Variants in GATB observed in about 807,000 individuals in gnomAD.
The protein encoded by GATB is glutamyl-tRNA(Gln) amidotransferase subunit B, mitochondrial.
A neutral mutation model predicts 62.3 loss-of-function variants in GATB; 39 were observed. That is an observed-to-expected ratio of 0.63 (90% CI 0.48 to 0.82). GATB has a LOEUF of 0.82. Among genes scored for constraint, GATB ranks in the 40% least tolerant of loss-of-function variants. The pLI is 0.00. For missense variants in GATB, 670 were observed against 684.0 expected (o/e 0.98, Z 0.23); for synonymous variants, 276 against 258.9 (o/e 1.07, Z -0.63).
intron 9 of GATB, among the ~76,000 whole-genome samples, chr4:151,690,045 C>G (rs1476272400): frequency 6.6e-6 from 1 of 152,174 alleles, no homozygotes; most frequent in African/African-American, 2.4e-5. Context: ...TTGAAATATT[C>G]CTTTTAAGTT....
At chr4:151,682,375 G>A (rs1007393201) in intron 10 of GATB, among the ~76,000 whole-genome samples, 2 of 152,106 alleles carry the variant, frequency 1.3e-5, no homozygotes, top group Non-Finnish European at 2.9e-5. Context: ...CCCACTCATC[G>A]CCTAAATAAA....
At chr4:151,725,410 C>T (rs995189042) in intron 2 of GATB, among the ~76,000 whole-genome samples, 2 of 152,226 alleles carry the variant, frequency 1.3e-5, no homozygotes, top group Non-Finnish European at 2.9e-5. Context: ...CAAATACATA[C>T]AGTTCTATGT....
At chr4:151,749,211 G>T (rs187050597) in intron 2 of GATB, among the ~76,000 whole-genome samples, 1 of 152,130 alleles carries the variant, frequency 6.6e-6, no homozygotes, top group African/African-American at 2.4e-5. Flanking sequence ...ACATGCACAC[G>T]TATGTTTATT....
intron 4 of GATB, 52 bp from the exon 5 acceptor site, chr4:151,716,183 C>T (rs1213525195): frequency 6.4e-7 from 1 of 1,569,920 alleles, no homozygotes; most frequent in South Asian, 1.2e-5. Context: ...ATTTCACCAA[C>T]AGAAAAATTA....
At chr4:151,686,652 G>GCCCCCCCCCCCC (rs374250502) in intron 10 of GATB, among the ~76,000 whole-genome samples, 5 of 70,920 alleles carry the variant, frequency 7.1e-5, no homozygotes, top group Admixed American at 1.4e-4. Flanking sequence ...TCCCCGCCCC[G>GCCCCCCCCCCCC]CCCCCCCCCC....
chr4:151,735,038 C>G (rs1739342047), intron 2 of GATB, among the ~76,000 whole-genome samples: 1 of 151,950 alleles, frequency 6.6e-6, no homozygotes, highest in African/African-American at 2.4e-5. Flanking sequence ...ATTTCATGAC[C>G]AAAAACCCAA....
At chr4:151,744,585 A>G (rs906502314) in intron 2 of GATB, among the ~76,000 whole-genome samples, 3 of 151,944 alleles carry the variant, frequency 2.0e-5, no homozygotes, top group Non-Finnish European at 4.4e-5. Flanking sequence ...CCCTGTCTCT[A>G]AAAAAAATAA....
chr4:151,713,337 C>T (rs1257601252), intron 5 of GATB, among the ~76,000 whole-genome samples: 2 of 152,198 alleles, frequency 1.3e-5, no homozygotes, highest in Non-Finnish European at 2.9e-5. Flanking sequence ...CCCCCAAGTC[C>T]ACAGAAAAAT....
chr4:151,741,106 G>T (rs1739476109), intron 2 of GATB, among the ~76,000 whole-genome samples: 3 of 152,042 alleles, frequency 2.0e-5, no homozygotes, highest in Admixed American at 2.0e-4. Flanking sequence ...ACCTCGGATG[G>T]TACCAAGTCC....
At chr4:151,737,440 C>T (rs578133228) in intron 2 of GATB, among the ~76,000 whole-genome samples, 1 of 152,286 alleles carries the variant, frequency 6.6e-6, no homozygotes, top group Non-Finnish European at 1.5e-5. Flanking sequence ...GTTAAAGGCA[C>T]TCCGTTTTAT....
intron 2 of GATB, among the ~76,000 whole-genome samples, chr4:151,727,535 T>G (rs1163046617): frequency 6.6e-6 from 1 of 152,196 alleles, no homozygotes; most frequent in Non-Finnish European, 1.5e-5. Context: ...TGGTCTCTAT[T>G]CCTTGTTCCC....
chr4:151,688,145 T>G (rs1228307661), intron 10 of GATB, among the ~76,000 whole-genome samples: 5 of 152,166 alleles, frequency 3.3e-5, no homozygotes, highest in Admixed American at 2.0e-4. Context: ...CACTCTGCTT[T>G]GTCTGCGTGA....
intron 9 of GATB, among the ~76,000 whole-genome samples, chr4:151,695,479 C>T (rs902736499): frequency 1.3e-5 from 2 of 152,180 alleles, no homozygotes; most frequent in Admixed American, 1.3e-4. Flanking sequence ...GAAGCACTGA[C>T]ATTTGGAACT....
intron 2 of GATB, chr4:151,723,275 A>AGGATC (rs1739067089): frequency 2.0e-5 from 3 of 152,186 alleles, no homozygotes; most frequent in Non-Finnish European, 4.4e-5. Flanking sequence ...TCCTAGGGTA[A>AGGATC]ATACTATTAT....
intron 10 of GATB, among the ~76,000 whole-genome samples, chr4:151,686,423 G>A (rs1443406442): frequency 3.3e-5 from 5 of 152,106 alleles, no homozygotes; most frequent in African/African-American, 1.2e-4. Flanking sequence ...ACTGTTGGGA[G>A]TTATTTGTCA....
chr4:151,722,021 T>C, intron 2 of GATB: 1 of 590,296 alleles, frequency 1.7e-6, no homozygotes, highest in South Asian at 2.2e-5. Flanking sequence ...AGGTCAGAAT[T>C]ATAAGCATCA....
At chr4:151,731,383 C>T (rs1249231304) in intron 2 of GATB, among the ~76,000 whole-genome samples, 1 of 152,238 alleles carries the variant, frequency 6.6e-6, no homozygotes, top group Non-Finnish European at 1.5e-5. Context: ...TCCTGAGATG[C>T]CGGGATTGCA....
intron 2 of GATB, among the ~76,000 whole-genome samples, chr4:151,749,134 A>G (rs1739662479): frequency 6.6e-6 from 1 of 152,250 alleles, no homozygotes. Flanking sequence ...TAGAAATACC[A>G]TTTGACCCAG....
chr4:151,684,624 A>G (rs1182531107), intron 10 of GATB, among the ~76,000 whole-genome samples: 1 of 152,260 alleles, frequency 6.6e-6, no homozygotes, highest in Admixed American at 6.5e-5. Context: ...CTCTATGGGT[A>G]GCCTAGTATA....
Sources: allele counts gnomAD v4.1 joint callset (sites outside exome capture counted in the v4.1 genomes callset), GRCh38; gene constraint gnomAD v4.1.1; transcripts MANE v1.5; gene names NCBI Gene and HGNC (gene_info 2026-07-23, HGNC 2026-07-21).